Variants in NGLY1 observed in about 807,000 individuals in gnomAD.
NGLY1 encodes peptide-N(4)-(N-acetyl-beta-glucosaminyl)asparagine amidase.
A neutral mutation model predicts 84.6 loss-of-function variants in NGLY1; 68 were observed. The ratio of observed to expected loss-of-function variants is 0.80; its 90% CI spans 0.66 to 0.98. The LOEUF (loss-of-function observed/expected upper bound fraction) is 0.98, where lower values mean the gene tolerates loss of function less well. NGLY1 is among the 50% of genes least tolerant of loss of function. The pLI is 0.00. For synonymous variants in NGLY1, 280 were observed against 275.2 expected, an observed-to-expected ratio of 1.02 and a Z score of -0.17; for missense variants, 779 against 770.2, an observed-to-expected ratio of 1.01 and a Z score of -0.14.
At chr3:25,758,514 G>A (rs1033681866) in intron 3 of NGLY1, among the ~76,000 whole-genome samples, 4 of 152,264 alleles carry the variant, frequency 2.6e-5, no homozygotes, top group African/African-American at 9.6e-5. Context: ...GGAGGTCAGA[G>A]CTGCAGTGAG....
intron 10 of NGLY1, among the ~76,000 whole-genome samples, chr3:25,726,620 G>A (rs1203137231): frequency 6.6e-6 from 1 of 152,194 alleles, no homozygotes; most frequent in Non-Finnish European, 1.5e-5. Flanking sequence ...GGGTAGCACA[G>A]TGCAAGGCAA....
chr3:25,746,044 C>G (rs1359204114), intron 4 of NGLY1, among the ~76,000 whole-genome samples: 1 of 152,080 alleles, frequency 6.6e-6, no homozygotes, highest in Non-Finnish European at 1.5e-5. Flanking sequence ...TTTTTGAAAA[C>G]ATTAAAAATG....
chr3:25,789,811 G>C, intron 1 of NGLY1: 1 of 1,541,818 alleles, frequency 6.5e-7, no homozygotes, highest in Non-Finnish European at 8.8e-7. Context: ...GAATATTTGG[G>C]CATTATCACT....
chr3:25,749,526 CA>C (rs1559543164), intron 4 of NGLY1: 3 of 1,582,716 alleles, frequency 1.9e-6, no homozygotes, highest in African/African-American at 1.3e-5. Flanking sequence ...CCAAGATCAT[CA>C]AAAAGAGAAC....
chr3:25,734,399 G>A (rs1705713245), intron 7 of NGLY1: 1 of 151,612 alleles, frequency 6.6e-6, no homozygotes, highest in South Asian at 2.1e-4. Context: ...ACTATCCTTT[G>A]TTTAAAATTT....
At chr3:25,735,907 C>A (rs1027489692) in intron 7 of NGLY1, 97 bp downstream of exon 7, 6 of 1,017,186 alleles carry the variant, frequency 5.9e-6, no homozygotes, top group Non-Finnish European at 8.4e-6. Context: ...TAAATATATG[C>A]AGGTTATTGT....
intron 5 of NGLY1, among the ~76,000 whole-genome samples, chr3:25,738,911 CTTATAAA>C: frequency 6.6e-6 from 1 of 152,140 alleles, no homozygotes; most frequent in South Asian, 2.1e-4. Context: ...TGAAAACAGG[CTTATAAA>C]TTAAAGAATG....
In NGLY1 at chr3:25,719,165, CATGA is replaced by C. The variant is rs556031820; in HGVS notation, c.*291_*294del. On this transcript the variant is annotated 3_prime_UTR_variant, in exon 12 of 12. Transcript: ENST00000280700. The stretch of plus-strand genomic sequence containing the variant: ...ATCATAATCATGAATAGCATTTAAT[CATGA>C]ATATCATTATTTAACTTTTAAAACC... The C allele has an allele frequency of 2.1e-4, 44 of 210,464 alleles. No homozygotes were observed. In the South Asian group the frequency reaches 6.8e-3, roughly 32 times the overall value. 13.0% of individuals were successfully genotyped at this position (210,464 alleles called of 1,614,324 possible). A position where few individuals can be genotyped will look rare whatever the true frequency, so the allele number is the denominator to read the frequency against.
At chr3:25,777,332 T>C (rs368030541) in intron 2 of NGLY1, among the ~76,000 whole-genome samples, 3 of 143,178 alleles carry the variant, frequency 2.1e-5, no homozygotes, top group African/African-American at 7.6e-5. Flanking sequence ...GAGGCGAAGG[T>C]TGTGGTAAGC....
At chr3:25,755,966 T>G (rs918706697) in intron 3 of NGLY1, among the ~76,000 whole-genome samples, 10 of 152,184 alleles carry the variant, frequency 6.6e-5, no homozygotes, top group African/African-American at 2.4e-4. Context: ...AGCACCTAAG[T>G]TTTAGGTTCT....
chr3:25,784,083 T>C (rs1235287476), upstream of NGLY1: 2 of 152,254 alleles, frequency 1.3e-5, no homozygotes, highest in African/African-American at 2.4e-5. Flanking sequence ...ACGTTCTACA[T>C]AGATGTGGAT....
rs1706030861 is a variant in NGLY1, at chr3:25,739,711, C to T, written c.747G>A (p.Leu249=). The change falls in exon 5 of 12, where the codon TTG becomes TTA. Residue 249 remains leucine, a synonymous_variant. Transcript: ENST00000280700. ...EEFFHWVNNV[L]CSKCGGQTRS... Reference sequence around the variant, plus strand: ...TAGTCTGTCCACCACATTTGCTGCACAAAACGTTATTCACCCAGTGAAAAA... The same window carrying T: ...TAGTCTGTCCACCACATTTGCTGCATAAAACGTTATTCACCCAGTGAAAAA... 1.2e-6 allele frequency: 2 copies of T among 1,614,060 alleles called. No individual in the cohort carries two copies. Among genetic ancestry groups the T allele is most frequent in the South Asian group, 1.1e-5 (1 of 91,086 alleles).
intron 10 of NGLY1, among the ~76,000 whole-genome samples, chr3:25,721,771 A>G (rs951985917): frequency 2.7e-5 from 4 of 150,248 alleles, no homozygotes; most frequent in African/African-American, 9.8e-5. Flanking sequence ...AAAAAAAAAA[A>G]AAAGAAAAGA....
intron 3 of NGLY1, among the ~76,000 whole-genome samples, chr3:25,757,166 T>G (rs1707083096): frequency 6.6e-6 from 1 of 152,192 alleles, no homozygotes; most frequent in African/African-American, 2.4e-5. Context: ...GTTTTAAAGT[T>G]TTTTGATATT....
chr3:25,769,232 G>C (rs183182325), intron 2 of NGLY1, among the ~76,000 whole-genome samples: 2 of 152,238 alleles, frequency 1.3e-5, no homozygotes, highest in Non-Finnish European at 2.9e-5. Flanking sequence ...ATGATGGCGT[G>C]CACCTGCAGT....
intron 8 of NGLY1, 134 bp from the exon 9 acceptor site, chr3:25,732,617 ATAT>A: frequency 1.8e-6 from 1 of 567,204 alleles, no homozygotes; most frequent in Non-Finnish European, 3.0e-6. Context: ...TTTCAAACAT[ATAT>A]TATTCAGAAA....
In NGLY1 at chr3:25,755,436, T is replaced by G; in HGVS notation, c.493-4173A>C. The G allele has an allele frequency of 4.1e-6, 6 of 1,461,306 alleles. No homozygotes were observed. The South Asian group carries it at 6.8e-5, about 17-fold the overall frequency. The allele number at this position is 1,461,306 out of a possible 1,614,324, so 90.5% of individuals were successfully genotyped here. On this transcript the variant is annotated intron_variant, in intron 3 of 11. Coordinates refer to ENST00000280700, the MANE Select transcript of NGLY1 (RefSeq NM_018297.4). The stretch of plus-strand genomic sequence containing the variant: ...CAAACAGTGTCTGTCCCAAATAAAG[T>G]TTCAACTCCAATGTCAGTGACAAGC...
At chr3:25,753,453 A>C (rs988666535) in intron 3 of NGLY1, among the ~76,000 whole-genome samples, 1 of 152,156 alleles carries the variant, frequency 6.6e-6, no homozygotes, top group African/African-American at 2.4e-5. Flanking sequence ...TTTAAAAATA[A>C]ATACATACTT....
chr3:25,788,936 G>A (rs1015649379), intron 1 of NGLY1, among the ~76,000 whole-genome samples: 3 of 152,164 alleles, frequency 2.0e-5, no homozygotes, highest in African/African-American at 7.2e-5. Flanking sequence ...TTCTTCTGTA[G>A]GGGTAGGAAA....
Sources: allele counts gnomAD v4.1 joint callset (sites outside exome capture counted in the v4.1 genomes callset), GRCh38; gene constraint gnomAD v4.1.1; transcripts MANE v1.5; gene names NCBI Gene and HGNC (gene_info 2026-07-23, HGNC 2026-07-21).